RBBP9: variants seen among roughly 807,000 people sequenced by gnomAD.
RBBP9 encodes serine hydrolase RBBP9.
Under a neutral mutation model 24.2 loss-of-function variants are expected in RBBP9, and 20 were observed. That is an observed-to-expected ratio of 0.83 (90% confidence interval 0.58 to 1.20). The LOEUF is 1.20. Among genes scored for constraint, RBBP9 ranks in the 50% most tolerant of loss-of-function variants. RBBP9 has a pLI of 0.00. For synonymous variants in RBBP9, 74 were observed against 84.6 expected (o/e 0.87, Z 0.69); for missense variants, 234 against 233.6 (o/e 1.00, Z -0.01).
chr20:18,497,189 C>G lies in RBBP9; in HGVS notation c.-22G>C, dbSNP rs754438243. 6.3e-7 allele frequency: 1 copy of G among 1,591,112 alleles called. No homozygotes were observed. The highest frequency in any genetic ancestry group is 2.2e-5 in the East Asian group (1 of 44,590). ...CCATGAGTGCAGCGAGGCCAGAGTT[C>G]CCCAGCGCGGGTCCAGCGGAGCTGA... On this transcript the variant is annotated 5_prime_UTR_variant, in exon 1 of 5. Coordinates refer to ENST00000337227, the MANE Select transcript of RBBP9 (RefSeq NM_006606.3).
At position 18,489,606 on chromosome 20, in the gene RBBP9, G is replaced by A; in HGVS notation, c.*158C>T. On this transcript the variant is annotated 3_prime_UTR_variant, in exon 5 of 5. Transcript: ENST00000337227. ...GGAGTTTTAGAGTCTATGGAAAATG[G>A]AAGTGCTATTTGTAACTTAGATTGA... is the stretch of plus-strand genomic sequence containing the variant. 1 of 580,340 alleles carries A rather than the reference G, an allele frequency of 1.7e-6. No homozygotes were observed. Among genetic ancestry groups the A allele is most frequent in the Non-Finnish European group, 3.1e-6 (1 of 326,372 alleles). 35.9% of individuals were successfully genotyped at this position (580,340 alleles called of 1,614,324 possible).
chr20:18,494,724 A>T (rs2059878796), intron 2 of RBBP9, among the ~76,000 whole-genome samples: 1 of 152,102 alleles, frequency 6.6e-6, no homozygotes, highest in African/African-American at 2.4e-5. Context: ...TAAAATTCAC[A>T]TTTATTCATT....
At position 18,490,400 on chromosome 20, in the gene RBBP9, G is replaced by C. The variant is rs756759550; in HGVS notation, c.329C>G (p.Ala110Gly). 1.2e-6 allele frequency: 2 copies of C among 1,611,884 alleles called. No homozygotes were observed. Among genetic ancestry groups the C allele is most frequent in the African/African-American group, 1.3e-5 (1 of 74,864 alleles). Reference sequence around the variant, plus strand: ...ATTTCTACCTTTGGACTTACCACTTGCACGCTCATTTTCATCCCCCAAGTC... The same window carrying C: ...ATTTCTACCTTTGGACTTACCACTTCCACGCTCATTTTCATCCCCCAAGTC... The part of the protein sequence containing the change: ...TSDLGDENER[A>G]SGYFTRPWQW... Residue 110 changes from alanine to glycine, a missense_variant, in exon 4 of 5, where the codon GCA (alanine) becomes GGA (glycine). Ala to Gly is a moderately conservative substitution (Grantham distance 60). Transcript: ENST00000337227.
intron 1 of RBBP9, among the ~76,000 whole-genome samples, chr20:18,496,795 C>CG (rs1568588532): frequency 6.6e-6 from 1 of 152,086 alleles, no homozygotes; most frequent in Non-Finnish European, 1.5e-5. Flanking sequence ...GCAGCAGATA[C>CG]GGGGGGCGGG....
At position 18,490,491 on chromosome 20, in the gene RBBP9, A is replaced by G; in HGVS notation, c.249-11T>C. On this transcript the variant is annotated splice_polypyrimidine_tract_variant and intron_variant, in intron 3 of 4. Transcript: ENST00000337227. ...TGTGTTTCTGCATACCTGGAGAAACAAAAATGATGTCAGCTAATATATAAT... is the reference window on the plus strand; with the variant it reads ...TGTGTTTCTGCATACCTGGAGAAACGAAAATGATGTCAGCTAATATATAAT... The G allele has an allele frequency of 6.3e-7, 1 of 1,583,802 alleles. No homozygotes were observed. Among genetic ancestry groups the G allele is most frequent in the Non-Finnish European group, 8.7e-7 (1 of 1,153,034 alleles).
intron 3 of RBBP9, among the ~76,000 whole-genome samples, 155 bp from the exon 4 acceptor site, chr20:18,490,635 A>G (rs1036831075): frequency 3.9e-5 from 6 of 152,102 alleles, no homozygotes; most frequent in Admixed American, 2.6e-4. Context: ...GAAACTGCAG[A>G]ACTATAAGCC....
chr20:18,496,432 T>C (rs1568588440), intron 1 of RBBP9, among the ~76,000 whole-genome samples: 1 of 152,214 alleles, frequency 6.6e-6, no homozygotes, highest in Non-Finnish European at 1.5e-5. Flanking sequence ...CAGGTCAGCC[T>C]ACAGTAAGAT....
chr20:18,495,285 T>G (rs1316083862), intron 2 of RBBP9, among the ~76,000 whole-genome samples: 2 of 145,646 alleles, frequency 1.4e-5, no homozygotes, highest in Non-Finnish European at 3.0e-5. Context: ...TCTGTGACCT[T>G]ACCCCCAACC....
At chr20:18,495,944 A>G in intron 1 of RBBP9, 64 bp from the exon 2 acceptor site, 3 of 1,325,168 alleles carry the variant, frequency 2.3e-6, no homozygotes, top group East Asian at 2.5e-5. Context: ...TACTTTGCTA[A>G]TAAGAAATGA....
In RBBP9 at chr20:18,489,960, T is replaced by C. The variant is rs774883241; in HGVS notation, c.365A>G (p.Lys122Arg). 80 of 1,606,114 alleles carry C rather than the reference T, an allele frequency of 5.0e-5. No homozygotes were observed. The highest frequency in any genetic ancestry group is 6.4e-5 in the Non-Finnish European group (75 of 1,173,458). ...GYFTRPWQWE[K>R]IKANCPYIVQ... ...AATGTAAGGGCAGTTGGCCTTGATC[T>C]TCTCCCACTGCCAGGGGCGGGTGAA... is the stretch of plus-strand genomic sequence containing the variant. Residue 122 changes from lysine to arginine, a missense_variant, in exon 5 of 5, where the codon AAG becomes AGG. Physicochemically the swap from Lys to Arg is conservative, Grantham distance 26. Coordinates refer to ENST00000337227, the MANE Select transcript of RBBP9 (RefSeq NM_006606.3).
intron 3 of RBBP9, among the ~76,000 whole-genome samples, chr20:18,490,825 A>G (rs535427087): frequency 1.3e-5 from 2 of 152,142 alleles, no homozygotes; most frequent in Non-Finnish European, 2.9e-5. Context: ...GATAACAGGC[A>G]TGCACCACCA....
chr20:18,494,138 A>T, intron 2 of RBBP9, 75 bp from the exon 3 acceptor site: 1 of 1,136,748 alleles, frequency 8.8e-7, no homozygotes. Flanking sequence ...CCACCTTTCA[A>T]ACAGGCAACT....
chr20:18,489,782 CA>C lies in RBBP9; in HGVS notation c.542del (p.Leu181CysfsTer2). The C allele has an allele frequency of 6.2e-7, 1 of 1,610,844 alleles. No homozygotes were observed. The highest frequency in any genetic ancestry group is 1.1e-5 in the South Asian group (1 of 91,022). On this transcript the variant is annotated frameshift_variant, in exon 5 of 5. Transcript: ENST00000337227. LOFTEE classifies it high-confidence loss of function. Reference protein sequence around the residue: ...FHELITVVKSLLKVPA With the variant: ...FHELITVVKSXLKVPA ...ATACAGTCTATGCTGGTACTTTCAG[CA>C]AAGACTTTACAACAGTAATCAGTTC...
At position 18,490,413 on chromosome 20, in the gene RBBP9, C is replaced by T. The variant is rs753627226; in HGVS notation, c.316G>A (p.Glu106Lys). 5 of 1,613,742 alleles carry T rather than the reference C, an allele frequency of 3.1e-6. No homozygotes were observed. The highest frequency in any genetic ancestry group is 4.2e-6 in the Non-Finnish European group (5 of 1,179,662). ...VSAYTSDLGD[E>K]NERASGYFTR... is the part of the protein sequence containing the mutation. ...GACTTACCACTTGCACGCTCATTTT[C>T]ATCCCCCAAGTCTGATGTGTACGCA... The change falls in exon 4 of 5, where the codon GAA becomes AAA. Residue 106 changes from glutamate to lysine, a missense_variant. Coordinates refer to ENST00000337227, the MANE Select transcript of RBBP9 (RefSeq NM_006606.3).
At chr20:18,494,282 C>CT (rs34967358) in intron 2 of RBBP9, among the ~76,000 whole-genome samples, 18,185 of 122,000 alleles carry the variant, frequency 0.15, 1,358 homozygotes, top group Admixed American at 0.19. Context: ...TTTCTTTTCT[C>CT]TTTTTTTTTT....
At chr20:18,490,590 T>G in intron 3 of RBBP9, 110 bp from the exon 4 acceptor site, 57 of 654,074 alleles carry the variant, frequency 8.7e-5, no homozygotes, top group Middle Eastern at 3.1e-4. Flanking sequence ...AAGCACGTGC[T>G]ACCTGCTGTT....
At chr20:18,495,439 C>T (rs916119823) in intron 2 of RBBP9, among the ~76,000 whole-genome samples, 6 of 151,146 alleles carry the variant, frequency 4.0e-5, no homozygotes, top group African/African-American at 9.7e-5. Flanking sequence ...TACCCAGGGA[C>T]GCAAACACTG....
intron 4 of RBBP9, 33 bp from the exon 5 acceptor site, chr20:18,490,023 C>T (rs1027159370): frequency 1.4e-6 from 2 of 1,416,986 alleles, no homozygotes; most frequent in Non-Finnish European, 2.0e-6. Context: ...TTTCAGTACC[C>T]ATGGATAATC....
At chr20:18,495,904 A>G in intron 1 of RBBP9, 24 bp from the exon 2 acceptor site, 2 of 1,496,264 alleles carry the variant, frequency 1.3e-6, no homozygotes, top group Non-Finnish European at 1.8e-6. Context: ...GGGGAGAAAA[A>G]GCTATAATAA....
Sources: allele counts gnomAD v4.1 joint callset (sites outside exome capture counted in the v4.1 genomes callset), GRCh38; gene constraint gnomAD v4.1.1; transcripts MANE v1.5; gene names NCBI Gene and HGNC (gene_info 2026-07-23, HGNC 2026-07-21).